COL13A1: variants seen among roughly 807,000 people sequenced by gnomAD.
COL13A1 encodes the protein collagen type XIII alpha 1 chain, also known as collagen alpha-1(XIII) chain.
A neutral mutation model predicts 130.9 loss-of-function variants in COL13A1; 89 were observed. That is an observed-to-expected ratio of 0.68 (90% CI 0.57 to 0.81). The LOEUF (loss-of-function observed/expected upper bound fraction) is 0.81, where lower values mean the gene tolerates loss of function less well. Ranked by LOEUF, COL13A1 falls within the 30% of genes least tolerant of loss-of-function variation. COL13A1 has a pLI of 0.00. For missense variants in COL13A1, 879 were observed against 934.6 expected, an observed-to-expected ratio of 0.94 and a Z score of 0.78; for synonymous variants, 402 against 341.6, an observed-to-expected ratio of 1.18 and a Z score of -1.95.
intron 16 of COL13A1, 31 bp downstream of exon 16, chr10:69,904,990 A>T: frequency 6.4e-7 from 1 of 1,557,356 alleles, no homozygotes. Context: ...TGTGTTGAAC[A>T]GGTGGGAGAA....
intron 2 of COL13A1, among the ~76,000 whole-genome samples, chr10:69,826,203 C>A (rs939504646): frequency 1.3e-5 from 2 of 152,192 alleles, no homozygotes; most frequent in Non-Finnish European, 2.9e-5. Context: ...CTACTTCAGG[C>A]CCGCCACGCT....
rs1369274692 is a variant in COL13A1, at chr10:69,867,395, C to T, written c.365-403C>T. The stretch of plus-strand genomic sequence containing the variant: ...CACAGTGAGGACACGGGCATGCTAA[C>T]GGTCCTCATCTCTACGGGATCTGTT... On this transcript the variant is annotated intron_variant, in intron 2 of 40. Transcript: ENST00000645393. Among the ~76,000 whole-genome samples the T allele has an allele frequency of 3.9e-5, 6 of 152,338 alleles. No individual in the cohort carries two copies. In the South Asian group the frequency reaches 6.2e-4, roughly 16 times the overall value.
chr10:69,895,497 A>C, intron 12 of COL13A1, 53 bp from the exon 13 acceptor site: 1 of 1,595,026 alleles, frequency 6.3e-7, no homozygotes, highest in Non-Finnish European at 8.6e-7. Flanking sequence ...CCTGAGAAAC[A>C]GGTACCCCCA....
In COL13A1 at chr10:69,928,940, C is replaced by T. The variant is rs1450739032; in HGVS notation, c.1426C>T (p.Pro476Ser). The stretch of plus-strand genomic sequence containing the variant: ...GTGTCTTTCCTTTCTCTCCTAGGGG[C>T]CTCCTGGTCTTCCTGGGCAAATTGG... ...QEIRTLALMG[P>S]PGLPGQIGPP... is the part of the protein sequence containing the mutation. Residue 476 changes from proline (P) to serine (S), a missense_variant, in exon 28 of 41, where the codon CCT becomes TCT. Transcript: ENST00000645393. 13 of 1,612,644 alleles carry T rather than the reference C, an allele frequency of 8.1e-6. No homozygotes were observed. Among genetic ancestry groups the T allele is most frequent in the South Asian group, 4.4e-5 (4 of 90,920 alleles).
At chr10:69,849,928 G>C (rs1002485095) in intron 2 of COL13A1, among the ~76,000 whole-genome samples, 1 of 152,210 alleles carries the variant, frequency 6.6e-6, no homozygotes, top group Non-Finnish European at 1.5e-5. Flanking sequence ...AGAGTAGGAC[G>C]AGTTGGTCAT....
At chr10:69,849,036 C>A (rs1162583797) in intron 2 of COL13A1, among the ~76,000 whole-genome samples, 1 of 152,260 alleles carries the variant, frequency 6.6e-6, no homozygotes, top group East Asian at 1.9e-4. Flanking sequence ...TTCATCTCCA[C>A]CTCCCCTCTG....
At chr10:69,918,462 A>T in intron 19 of COL13A1, 145 bp downstream of exon 19, 1 of 776,008 alleles carries the variant, frequency 1.3e-6, no homozygotes, top group Non-Finnish European at 2.0e-6. Context: ...TCAAAGTAAC[A>T]TTTGTGCCAG....
rs374978975 is a variant in COL13A1, at chr10:69,898,148, G to A, written c.685-549G>A. Reference sequence around the variant, plus strand: ...ACCCTCCCCAGATGCGCTGACACCAGCCTTTCTTGCTCAACCAAAAAAAGA... The same window carrying A: ...ACCCTCCCCAGATGCGCTGACACCAACCTTTCTTGCTCAACCAAAAAAAGA... On this transcript the variant is annotated intron_variant, in intron 13 of 40. Transcript: ENST00000645393. Among the ~76,000 whole-genome samples, 23 of 152,280 alleles carry A rather than the reference G, an allele frequency of 1.5e-4. No individual in the cohort carries two copies. The East Asian group carries it at 2.7e-3, about 18-fold the overall frequency.
chr10:69,953,625 C>T (rs2070044460), intron 39 of COL13A1, among the ~76,000 whole-genome samples: 2 of 152,184 alleles, frequency 1.3e-5, no homozygotes. Context: ...TTCTCAAGTG[C>T]CTTTGAATCC....
chr10:69,940,414 C>T (rs2136064796), intron 34 of COL13A1, among the ~76,000 whole-genome samples: 1 of 152,346 alleles, frequency 6.6e-6, no homozygotes, highest in Non-Finnish European at 1.5e-5. Flanking sequence ...TAAGAGCCAA[C>T]TCATTCCCCC....
At chr10:69,918,406 G>A (rs1286095903) in intron 19 of COL13A1, 89 bp downstream of exon 19, 2 of 1,347,834 alleles carry the variant, frequency 1.5e-6, no homozygotes, top group African/African-American at 1.4e-5. Flanking sequence ...CAGTGGGGTG[G>A]CTGCCAGACC....
chr10:69,828,924 G>A (rs916041709), intron 2 of COL13A1, among the ~76,000 whole-genome samples: 15 of 152,216 alleles, frequency 9.9e-5, no homozygotes, highest in African/African-American at 3.6e-4. Flanking sequence ...AGAGCAGCAT[G>A]TAGTATGAGT....
At chr10:69,888,397 G>T in intron 9 of COL13A1, 67 bp downstream of exon 9, 1 of 1,572,466 alleles carries the variant, frequency 6.4e-7, no homozygotes, top group Non-Finnish European at 8.7e-7. Flanking sequence ...CATTCTGCAA[G>T]ATATTGAATC....
intron 3 of COL13A1, among the ~76,000 whole-genome samples, chr10:69,869,561 T>C (rs937598669): frequency 1.3e-5 from 2 of 152,196 alleles, no homozygotes; most frequent in African/African-American, 4.8e-5. Flanking sequence ...GGTCGGCCAG[T>C]GCCTGAAGAA....
chr10:69,837,613 C>G (rs905378967), intron 2 of COL13A1, among the ~76,000 whole-genome samples: 1 of 152,242 alleles, frequency 6.6e-6, no homozygotes, highest in African/African-American at 2.4e-5. Flanking sequence ...TCTGCGCTTA[C>G]CCTGGTACAT....
At chr10:69,908,115 C>G (rs2062984394) in intron 17 of COL13A1, among the ~76,000 whole-genome samples, 2 of 152,134 alleles carry the variant, frequency 1.3e-5, no homozygotes, top group African/African-American at 4.8e-5. Context: ...GGCTGGGAAG[C>G]TGCTAGAGCC....
chr10:69,919,201 G>A, intron 20 of COL13A1, 113 bp downstream of exon 20: 1 of 1,403,420 alleles, frequency 7.1e-7, no homozygotes, highest in Non-Finnish European at 1.0e-6. Context: ...CTGGGACTGG[G>A]GACCTGGCTA....
intron 35 of COL13A1, among the ~76,000 whole-genome samples, chr10:69,942,247 A>G (rs1386679707): frequency 6.6e-6 from 1 of 152,188 alleles, no homozygotes; most frequent in Non-Finnish European, 1.5e-5. Context: ...AAGATGACAG[A>G]CTTCTTCAGA....
chr10:69,877,555 G>A, intron 5 of COL13A1: 1 of 169,092 alleles, frequency 5.9e-6, no homozygotes, highest in Non-Finnish European at 1.3e-5. Flanking sequence ...ACCTCAGAGT[G>A]TCCTGGCCAG....
Sources: allele counts gnomAD v4.1 joint callset (sites outside exome capture counted in the v4.1 genomes callset), GRCh38; gene constraint gnomAD v4.1.1; transcripts MANE v1.5; gene names NCBI Gene and HGNC (gene_info 2026-07-23, HGNC 2026-07-21).